The following CSPP1 variants were observed in gnomAD, a reference collection of about 807,000 sequenced individuals.
CSPP1 encodes centrosome and spindle pole associated protein 1, also known as centrosome and spindle pole-associated protein 1.
A neutral mutation model predicts 164.4 loss-of-function variants in CSPP1; 126 were observed. The ratio of observed to expected loss-of-function variants is 0.77; its 90% CI spans 0.66 to 0.89. The LOEUF (loss-of-function observed/expected upper bound fraction) is 0.89, where lower values mean the gene tolerates loss of function less well. Among genes scored for constraint, CSPP1 ranks in the 40% least tolerant of loss-of-function variants. The pLI is 0.00. For missense variants in CSPP1, 1,395 were observed against 1,449.8 expected, an observed-to-expected ratio of 0.96 and a Z score of 0.61; for synonymous variants, 472 against 476.7, an observed-to-expected ratio of 0.99 and a Z score of 0.13.
chr8:67,181,847 C>T (rs1303834367), intron 28 of CSPP1, among the ~76,000 whole-genome samples: 1 of 152,146 alleles, frequency 6.6e-6, no homozygotes, highest in East Asian at 1.9e-4. Flanking sequence ...CCCTCCAGCC[C>T]CTGGCAGCCA....
In CSPP1 at chr8:67,111,815, TGAA is replaced by T. The variant is rs140830208; in HGVS notation, c.1094-152_1094-150del. Among the ~76,000 whole-genome samples the T allele has an allele frequency of 0.082, 12,532 of 152,130 alleles. 1,033 individuals are homozygous for T. Among genetic ancestry groups the T allele is most frequent in the African/African-American group, 0.21 (8,878 of 41,420 alleles). The stretch of plus-strand genomic sequence containing the variant: ...GGTACCCATTAATTACAAAAGAAAT[TGAA>T]GAAGGACTGATTCATGTGATTTTTT... On this transcript the variant is annotated intron_variant, in intron 9 of 30. Transcript: ENST00000678616.
chr8:67,065,146 C>G (rs1302782363), intron 1 of CSPP1, among the ~76,000 whole-genome samples: 3 of 152,200 alleles, frequency 2.0e-5, no homozygotes, highest in Admixed American at 6.5e-5. Flanking sequence ...GCTAGTAAAA[C>G]TTATTTAATC....
intron 15 of CSPP1, among the ~76,000 whole-genome samples, chr8:67,130,095 CTT>C (rs1443468778): frequency 6.6e-6 from 1 of 152,008 alleles, no homozygotes; most frequent in Non-Finnish European, 1.5e-5. Context: ...GGAGGGCCTA[CTT>C]TTCTTATGTG....
At chr8:67,149,109 C>T (rs1431964542) in intron 17 of CSPP1, among the ~76,000 whole-genome samples, 3 of 152,096 alleles carry the variant, frequency 2.0e-5, no homozygotes, top group East Asian at 3.9e-4. Context: ...TCACATGGCT[C>T]AGGAGGCCTT....
At chr8:67,147,016 T>C (rs1824722976) in intron 17 of CSPP1, among the ~76,000 whole-genome samples, 1 of 152,344 alleles carries the variant, frequency 6.6e-6, no homozygotes, top group Middle Eastern at 3.4e-3. Flanking sequence ...CAATATGGAT[T>C]TGGTTTGCTT....
At chr8:67,107,106 G>A (rs375533803) in intron 9 of CSPP1, among the ~76,000 whole-genome samples, 27 of 151,748 alleles carry the variant, frequency 1.8e-4, no homozygotes, top group Admixed American at 1.5e-3. Context: ...GGAGTGCAGG[G>A]GCACGATCTT....
intron 4 of CSPP1, chr8:67,086,323 CT>C (rs1810398663): frequency 3.3e-6 from 2 of 599,890 alleles, no homozygotes; most frequent in Non-Finnish European, 6.1e-6. Flanking sequence ...GACTTTTGAC[CT>C]TTTGACTAAG....
intron 3 of CSPP1, among the ~76,000 whole-genome samples, chr8:67,079,139 A>G (rs1159874197): frequency 6.6e-6 from 1 of 152,036 alleles, no homozygotes; most frequent in Non-Finnish European, 1.5e-5. Context: ...CATCTTATAC[A>G]TTCCCCGAGT....
chr8:67,139,377 A>T (rs1823015965), intron 17 of CSPP1, among the ~76,000 whole-genome samples: 1 of 151,984 alleles, frequency 6.6e-6, no homozygotes, highest in Non-Finnish European at 1.5e-5. Flanking sequence ...AAATAGGAAC[A>T]CTTTTACACT....
intron 24 of CSPP1, among the ~76,000 whole-genome samples, chr8:67,166,407 T>G (rs1417887599): frequency 6.6e-6 from 1 of 152,272 alleles, no homozygotes; most frequent in African/African-American, 2.4e-5. Flanking sequence ...CTGACTGTAA[T>G]CCAGTATGTG....
chr8:67,096,440 C>A (rs946497932), intron 7 of CSPP1, among the ~76,000 whole-genome samples: 3 of 152,058 alleles, frequency 2.0e-5, no homozygotes, highest in Non-Finnish European at 2.9e-5. Context: ...AGGTGCGCAT[C>A]TGTAATCCCA....
intron 24 of CSPP1, among the ~76,000 whole-genome samples, chr8:67,169,594 C>T (rs891813940): frequency 6.6e-6 from 1 of 152,068 alleles, no homozygotes. Flanking sequence ...TGCCCACCCC[C>T]ACGCACGGCT....
intron 9 of CSPP1, among the ~76,000 whole-genome samples, chr8:67,107,531 A>C (rs1008633152): frequency 2.0e-5 from 3 of 152,192 alleles, no homozygotes; most frequent in African/African-American, 7.2e-5. Context: ...ATGGACTCTA[A>C]CATTTGAAAC....
intron 1 of CSPP1, among the ~76,000 whole-genome samples, chr8:67,073,157 A>G (rs966843331): frequency 6.6e-6 from 1 of 152,186 alleles, no homozygotes; most frequent in African/African-American, 2.4e-5. Context: ...TATACATTGG[A>G]ATGTAAATAT....
chr8:67,097,084 A>T (rs962413540), intron 7 of CSPP1, among the ~76,000 whole-genome samples: 1 of 152,188 alleles, frequency 6.6e-6, no homozygotes. Context: ...TACTTGCCAT[A>T]GTTTAACCTA....
intron 1 of CSPP1, among the ~76,000 whole-genome samples, chr8:67,072,332 A>G (rs1279936965): frequency 6.6e-6 from 1 of 152,120 alleles, no homozygotes; most frequent in Non-Finnish European, 1.5e-5. Flanking sequence ...AAAAGTACAA[A>G]CAAATTTAAA....
chr8:67,138,702 T>G (rs1822865903), intron 17 of CSPP1, among the ~76,000 whole-genome samples: 1 of 152,154 alleles, frequency 6.6e-6, no homozygotes, highest in Admixed American at 6.5e-5. Flanking sequence ...GAGTTAGAAT[T>G]CTCGTGTGTT....
At position 67,133,110 on chromosome 8, in the gene CSPP1, C is replaced by T. The variant is rs151065683; in HGVS notation, c.1827+1030C>T. On this transcript the variant is annotated intron_variant, in intron 16 of 30. Transcript: ENST00000678616. ...ATGAGCATATTAAAAACACCACTGACAAAACTAGATTTTTCAACTCTAGAG... is the reference window on the plus strand; with the variant it reads ...ATGAGCATATTAAAAACACCACTGATAAAACTAGATTTTTCAACTCTAGAG... 4.7e-3 allele frequency among the ~76,000 whole-genome samples: 722 copies of T among 152,256 alleles called. 2 individuals are homozygous for T. The highest frequency in any genetic ancestry group is 0.024 in the Middle Eastern group (7 of 294).
chr8:67,166,003 T>C (rs1050430058), intron 24 of CSPP1, among the ~76,000 whole-genome samples: 4 of 152,238 alleles, frequency 2.6e-5, no homozygotes, highest in African/African-American at 9.7e-5. Flanking sequence ...ATCTCATGTA[T>C]ATTTATCATA....
Sources: allele counts gnomAD v4.1 joint callset (sites outside exome capture counted in the v4.1 genomes callset), GRCh38; gene constraint gnomAD v4.1.1; transcripts MANE v1.5; gene names NCBI Gene and HGNC (gene_info 2026-07-23, HGNC 2026-07-21).